Variants in PIEZO2 observed in about 807,000 individuals in gnomAD.
PIEZO2 encodes piezo-type mechanosensitive ion channel component 2.
In PIEZO2, 172 loss-of-function variants were observed where a neutral mutation model predicts 337.3. The observed-to-expected ratio is 0.51, with a 90% confidence interval of 0.45 to 0.58. PIEZO2 has a LOEUF of 0.58. Among genes scored for constraint, PIEZO2 ranks in the 20% least tolerant of loss-of-function variants. The pLI, the probability that PIEZO2 is intolerant of heterozygous loss-of-function variation, is 0.00. For synonymous variants in PIEZO2, 1,251 were observed against 1,228.5 expected (o/e 1.02, Z -0.38); for missense variants, 3,028 against 3,391.3 (o/e 0.89, Z 2.66).
chr18:10,888,639 T>C lies in PIEZO2; in HGVS notation c.330-17224A>G, dbSNP rs773918768. On this transcript the variant is annotated intron_variant, in intron 4 of 55. Transcript: ENST00000674853. The surrounding 1 kb of genome is among the most constrained non-coding windows in gnomAD (Gnocchi z 4.1). ...TGTGTTTTTAAAACCCACGTGTTCA[T>C]TCTGGTACTTTCAACTTGAGTTTAA... Among the ~76,000 whole-genome samples the C allele has an allele frequency of 4.6e-5, 7 of 152,168 alleles. No homozygotes were observed. The highest frequency in any genetic ancestry group is 7.4e-5 in the Non-Finnish European group (5 of 68,016).
chr18:11,014,144 A>T (rs563091389), intron 2 of PIEZO2, among the ~76,000 whole-genome samples: 1 of 152,346 alleles, frequency 6.6e-6, no homozygotes, highest in South Asian at 2.1e-4. Flanking sequence ...GGAAGTTCAA[A>T]TGACAGCAAT....
chr18:10,961,746 G>C (rs1051542773), intron 3 of PIEZO2, among the ~76,000 whole-genome samples: 2 of 152,006 alleles, frequency 1.3e-5, no homozygotes, highest in African/African-American at 4.8e-5. Context: ...ACTCCACAAA[G>C]AGAATTTGAG....
Position 10,681,571 on chromosome 18 carries a change from C to T in PIEZO2, c.7779+90G>A, listed in dbSNP as rs2034265612. The T allele has an allele frequency of 5.5e-5, 61 of 1,109,832 alleles. No homozygotes were observed. The South Asian group carries it at 7.9e-4, about 14-fold the overall frequency. The allele number at this position is 1,109,832 out of a possible 1,614,324, so 68.7% of individuals were successfully genotyped here. A position where few individuals can be genotyped will look rare whatever the true frequency, so the allele number is the denominator to read the frequency against. On this transcript the variant is annotated intron_variant, in intron 51 of 55. Coordinates refer to ENST00000674853, the MANE Select transcript of PIEZO2 (RefSeq NM_001378183.1). ...CCCTGAAAAGTCCTCCTTCCCACCACCTCAGGCCATGGCAAAGCATTAAAT... is the reference window on the plus strand; with the variant it reads ...CCCTGAAAAGTCCTCCTTCCCACCATCTCAGGCCATGGCAAAGCATTAAAT...
Position 11,110,574 on chromosome 18 carries a change from A to G in PIEZO2, c.64+37951T>C, listed in dbSNP as rs569790869. The stretch of plus-strand genomic sequence containing the variant: ...AGCGGGGGAGTGGGAGCTGCCACAT[A>G]ACGGTTCCTTCAGAGGTGGACGGTG... On this transcript the variant is annotated intron_variant, in intron 1 of 55. Coordinates refer to ENST00000674853, the MANE Select transcript of PIEZO2 (RefSeq NM_001378183.1). The surrounding 1 kb of genome is among the most constrained non-coding windows in gnomAD (Gnocchi z 4.2). 1.7e-4 allele frequency among the ~76,000 whole-genome samples: 26 copies of G among 152,280 alleles called. No individual in the cohort carries two copies. The highest frequency in any genetic ancestry group is 6.3e-4 in the African/African-American group (26 of 41,572).
intron 2 of PIEZO2, among the ~76,000 whole-genome samples, chr18:11,011,398 C>T (rs3245): frequency 0.41 from 62,035 of 151,892 alleles, 13,611 homozygotes; most frequent in African/African-American, 0.57. Flanking sequence ...TGACTTTTAT[C>T]TCTTATGTAA....
chr18:10,967,113 G>A (rs939790055), intron 3 of PIEZO2, among the ~76,000 whole-genome samples: 2 of 149,676 alleles, frequency 1.3e-5, no homozygotes, highest in East Asian at 3.9e-4. Flanking sequence ...TGCCTCCCAG[G>A]TTCAAACAAT....
rs1050016641 is a variant in PIEZO2, at chr18:11,111,341, C to T, written c.64+37184G>A. 6.6e-6 allele frequency among the ~76,000 whole-genome samples: 1 copy of T among 152,242 alleles called. No individual in the cohort carries two copies. Among genetic ancestry groups the T allele is most frequent in the African/African-American group, 2.4e-5 (1 of 41,478 alleles). On this transcript the variant is annotated intron_variant, in intron 1 of 55. Transcript: ENST00000674853. The surrounding 1 kb of genome is among the most constrained non-coding windows in gnomAD (Gnocchi z 6.2). Reference sequence around the variant, plus strand: ...TTTAAACCCTCTATACATGGATTATCTACAGTGGCTTCTGTTTTCCTAACC... The same window carrying T: ...TTTAAACCCTCTATACATGGATTATTTACAGTGGCTTCTGTTTTCCTAACC...
intron 3 of PIEZO2, among the ~76,000 whole-genome samples, chr18:10,933,562 T>G (rs1180647456): frequency 6.6e-6 from 1 of 152,192 alleles, no homozygotes; most frequent in African/African-American, 2.4e-5. Context: ...TCCATTGATT[T>G]GGGATGATGG....
In PIEZO2 at chr18:10,775,710, CA is replaced by C. The variant is rs1356425376; in HGVS notation, c.2535-1673del. Among the ~76,000 whole-genome samples the C allele has an allele frequency of 1.3e-5, 2 of 152,134 alleles. No individual in the cohort carries two copies. Among genetic ancestry groups the C allele is most frequent in the Non-Finnish European group, 2.9e-5 (2 of 68,030 alleles). On this transcript the variant is annotated intron_variant, in intron 18 of 55. Transcript: ENST00000674853. This position sits in a 1 kb window ranked among gnomAD's most constrained non-coding sequence, Gnocchi z 4.3. ...AGGAGAGATCGTTCAATGAAAGAATCAGAGGAAGACACTGGAGTAAGCCTTT... is the reference window on the plus strand; with the variant it reads ...AGGAGAGATCGTTCAATGAAAGAATCGAGGAAGACACTGGAGTAAGCCTTT...
chr18:10,780,147 C>T (rs548187637), intron 18 of PIEZO2, among the ~76,000 whole-genome samples, 178 bp downstream of exon 18: 6 of 152,292 alleles, frequency 3.9e-5, no homozygotes, highest in South Asian at 2.1e-4. Context: ...ATCCACTTGA[C>T]GGCACCAGTC....
chr18:11,105,100 G>A lies in PIEZO2; in HGVS notation c.65-38878C>T, dbSNP rs909828367. Among the ~76,000 whole-genome samples, 7 of 152,196 alleles carry A rather than the reference G, an allele frequency of 4.6e-5. No individual in the cohort carries two copies. Among genetic ancestry groups the A allele is most frequent in the Non-Finnish European group, 8.8e-5 (6 of 68,032 alleles). On this transcript the variant is annotated intron_variant, in intron 1 of 55. Transcript: ENST00000674853. This position sits in a 1 kb window ranked among gnomAD's most constrained non-coding sequence, Gnocchi z 4.3. ...GACTAAGCACGACACCACCACAGAAGAAAACATAGCCAAGAAATGGAGAAG... is the reference window on the plus strand; with the variant it reads ...GACTAAGCACGACACCACCACAGAAAAAAACATAGCCAAGAAATGGAGAAG...
intron 7 of PIEZO2, among the ~76,000 whole-genome samples, chr18:10,814,778 G>C (rs2040311369): frequency 6.6e-6 from 1 of 152,154 alleles, no homozygotes; most frequent in South Asian, 2.1e-4. Flanking sequence ...AACACCAGGA[G>C]CTAAGTGGAT....
intron 42 of PIEZO2, chr18:10,704,152 G>A (rs1346148718): frequency 3.7e-6 from 2 of 544,344 alleles, no homozygotes; most frequent in African/African-American, 3.8e-5. Context: ...AAATGGGAAT[G>A]ATGCCAGTAC....
intron 49 of PIEZO2, among the ~76,000 whole-genome samples, chr18:10,684,221 A>G (rs373116453): frequency 6.2e-5 from 7 of 113,102 alleles, no homozygotes; most frequent in African/African-American, 1.4e-4. Flanking sequence ...GCTGGAGTGC[A>G]GTGGCGCGAT....
chr18:10,786,091 G>T (rs1338643121), intron 16 of PIEZO2, among the ~76,000 whole-genome samples: 1 of 152,116 alleles, frequency 6.6e-6, no homozygotes, highest in Non-Finnish European at 1.5e-5. Context: ...CTTTTCCTAA[G>T]ACAAGCTTCT....
rs1264101783 is a variant in PIEZO2 at position 10,856,824 on chromosome 18, C to T, written c.703+177G>A. Among the ~76,000 whole-genome samples the T allele has an allele frequency of 6.6e-6, 1 of 151,600 alleles. No homozygotes were observed. Among genetic ancestry groups the T allele is most frequent in the Non-Finnish European group, 1.5e-5 (1 of 67,938 alleles). On this transcript the variant is annotated intron_variant, in intron 6 of 55. Coordinates refer to ENST00000674853, the MANE Select transcript of PIEZO2 (RefSeq NM_001378183.1). The surrounding 1 kb of genome is among the most constrained non-coding windows in gnomAD (Gnocchi z 4.7). ...CTAAAAACATCAAAACTAGAACTAACCCGGAAAAATTATTTTGTGTGGTTT... is the reference window on the plus strand; with the variant it reads ...CTAAAAACATCAAAACTAGAACTAATCCGGAAAAATTATTTTGTGTGGTTT...
chr18:10,763,298 G>T, intron 21 of PIEZO2, 200 bp from the exon 22 acceptor site: 1 of 587,508 alleles, frequency 1.7e-6, no homozygotes, highest in Non-Finnish European at 3.0e-6. Context: ...ATTATGTCTT[G>T]TATGGCAGAC....
At chr18:10,941,691 CA>C (rs1183273248) in intron 3 of PIEZO2, among the ~76,000 whole-genome samples, 2 of 151,910 alleles carry the variant, frequency 1.3e-5, no homozygotes, top group Admixed American at 6.6e-5. Context: ...AATTGGAAAC[CA>C]AAAGTAACAA....
At position 11,047,431 on chromosome 18, in the gene PIEZO2, G is replaced by A. The variant is rs555372775; in HGVS notation, c.160+18696C>T. 1.2e-4 allele frequency among the ~76,000 whole-genome samples: 19 copies of A among 152,282 alleles called. No individual in the cohort carries two copies. The South Asian group carries it at 3.7e-3, about 30-fold the overall frequency. On this transcript the variant is annotated intron_variant, in intron 2 of 55. Transcript: ENST00000674853. The surrounding 1 kb of genome is among the most constrained non-coding windows in gnomAD (Gnocchi z 7.2). ...TCCCACAAGACGGCCCGGGGGAATT[G>A]TCCAAGAACAGGGCAAGGGGCAAGG...
Sources: gnomAD v4.1 joint callset for allele counts (sites outside exome capture counted in the v4.1 genomes callset) on GRCh38, gnomAD v4.1.1 for gene constraint, Gnocchi (gnomAD v3.1) non-coding constraint, MANE v1.5 for transcripts, NCBI Gene and HGNC (gene_info 2026-07-23, HGNC 2026-07-21) for gene names.